The following PSMB7 variants were observed in gnomAD, a reference collection of about 807,000 sequenced individuals.
PSMB7 encodes proteasome 20S subunit beta 7.
In PSMB7, 5 loss-of-function variants were observed where a neutral mutation model predicts 28.1. That is an observed-to-expected ratio of 0.18 (90% CI 0.09 to 0.37). The LOEUF is 0.37. PSMB7 is among the 10% of genes least tolerant of loss of function. PSMB7 has a pLI of 1.00. For missense variants in PSMB7, 275 were observed against 346.2 expected, an observed-to-expected ratio of 0.79 and a Z score of 1.63; for synonymous variants, 122 against 123.7, an observed-to-expected ratio of 0.99 and a Z score of 0.09.
At position 124,356,012 on chromosome 9, in the gene PSMB7, C is replaced by T. The variant is rs1030046118; in HGVS notation, c.722+752G>A. ...GAGTGGGAGCCGTAGTTTATAAATGCCCTGTGCTGCACCCAGATGCTGCAG... is the reference window on the plus strand; with the variant it reads ...GAGTGGGAGCCGTAGTTTATAAATGTCCTGTGCTGCACCCAGATGCTGCAG... On this transcript the variant is annotated intron_variant, in intron 7 of 7. Coordinates refer to ENST00000259457, the MANE Select transcript of PSMB7 (RefSeq NM_002799.4). This position sits in a 1 kb window ranked among gnomAD's most constrained non-coding sequence, Gnocchi z 4.4. 6.6e-5 allele frequency among the ~76,000 whole-genome samples: 10 copies of T among 152,164 alleles called. No individual in the cohort carries two copies. The highest frequency in any genetic ancestry group is 1.3e-4 in the Non-Finnish European group (9 of 68,028).
chr9:124,403,096 G>A (rs1830928717), intron 5 of PSMB7, among the ~76,000 whole-genome samples: 1 of 152,008 alleles, frequency 6.6e-6, no homozygotes, highest in South Asian at 2.1e-4. Flanking sequence ...AATGACAGCT[G>A]GAAAAACACC....
intron 5 of PSMB7, among the ~76,000 whole-genome samples, chr9:124,401,452 G>A (rs761438418): frequency 8.5e-5 from 13 of 152,234 alleles, no homozygotes; most frequent in Non-Finnish European, 1.9e-4. Flanking sequence ...AATCTTCCCA[G>A]CTCCTAGCAA....
At chr9:124,374,630 G>A (rs1371602224) in intron 6 of PSMB7, among the ~76,000 whole-genome samples, 1 of 152,086 alleles carries the variant, frequency 6.6e-6, no homozygotes. Flanking sequence ...TTCAAGACTA[G>A]CCTGGACAGC....
chr9:124,355,822 T>C (rs1830399174), intron 7 of PSMB7, among the ~76,000 whole-genome samples: 1 of 152,190 alleles, frequency 6.6e-6, no homozygotes, highest in Admixed American at 6.5e-5. Context: ...AGGAGCCCAC[T>C]GAGCTTCCGC....
At chr9:124,388,300 G>A (rs2131165068) in intron 5 of PSMB7, among the ~76,000 whole-genome samples, 1 of 152,326 alleles carries the variant, frequency 6.6e-6, no homozygotes, top group South Asian at 2.1e-4. Context: ...GGCCTCTGCT[G>A]TACACTCGAG....
At chr9:124,392,345 T>C (rs763315752) in intron 5 of PSMB7, among the ~76,000 whole-genome samples, 17 of 152,216 alleles carry the variant, frequency 1.1e-4, no homozygotes, top group Admixed American at 2.0e-4. Flanking sequence ...GGCCCGGCTC[T>C]GGCGCTCCCT....
At chr9:124,367,380 T>C (rs1292100576) in intron 6 of PSMB7, among the ~76,000 whole-genome samples, 6 of 152,108 alleles carry the variant, frequency 3.9e-5, no homozygotes, top group Non-Finnish European at 5.9e-5. Context: ...CCCACCCAAA[T>C]AGAAATGATT....
chr9:124,357,681 T>C (rs1457697498), intron 6 of PSMB7, among the ~76,000 whole-genome samples: 2 of 152,214 alleles, frequency 1.3e-5, no homozygotes, highest in African/African-American at 4.8e-5. Context: ...CCCTTTCTTA[T>C]CCGAGAAGCC....
chr9:124,395,258 G>A (rs968321613), intron 5 of PSMB7, among the ~76,000 whole-genome samples: 7 of 152,088 alleles, frequency 4.6e-5, no homozygotes, highest in Non-Finnish European at 7.4e-5. Flanking sequence ...GCCAAGGCAG[G>A]AGGATCACTT....
chr9:124,408,138 T>TGATC (rs1331932021), intron 4 of PSMB7, among the ~76,000 whole-genome samples: 1 of 152,096 alleles, frequency 6.6e-6, no homozygotes, highest in Non-Finnish European at 1.5e-5. Context: ...AAGTGAGCCA[T>TGATC]GATCATGCCA....
intron 5 of PSMB7, among the ~76,000 whole-genome samples, chr9:124,395,169 G>A (rs1339042438): frequency 6.6e-6 from 1 of 152,172 alleles, no homozygotes; most frequent in African/African-American, 2.4e-5. Flanking sequence ...CAGTCAAACA[G>A]CTAAATGAAT....
chr9:124,353,856 G>T (rs1830364508), intron 7 of PSMB7, 147 bp from the exon 8 acceptor site: 1 of 683,578 alleles, frequency 1.5e-6, no homozygotes, highest in Non-Finnish European at 2.5e-6. Flanking sequence ...GTGATCTTGG[G>T]GGATTCAACT....
At chr9:124,373,062 A>T (rs1301341237) in intron 6 of PSMB7, among the ~76,000 whole-genome samples, 1 of 152,234 alleles carries the variant, frequency 6.6e-6, no homozygotes, top group African/African-American at 2.4e-5. Flanking sequence ...TCTCCAATGC[A>T]CAGAGCAAGC....
chr9:124,411,503 G>A (rs74480373), intron 4 of PSMB7, among the ~76,000 whole-genome samples: 3,040 of 152,298 alleles, frequency 0.02, 110 homozygotes, highest in Non-Finnish European at 0.021. Flanking sequence ...CAAAGAATTT[G>A]TTAAAGGTAA....
Position 124,398,466 on chromosome 9 carries a change from CAAT to C in PSMB7, c.511+6848_511+6850del, listed in dbSNP as rs112867589. On this transcript the variant is annotated intron_variant, in intron 5 of 7. Transcript: ENST00000259457. Reference sequence around the variant, plus strand: ...ATTCTCTGTAAAGAGCTCCTCTTCACAATGGACTTGGATTGGAAAGAAACAAAA... The same window carrying C: ...ATTCTCTGTAAAGAGCTCCTCTTCACGGACTTGGATTGGAAAGAAACAAAA... The C allele has an allele frequency of 1.7e-3, 598 of 359,170 alleles. 4 individuals are homozygous for C. The highest frequency in any genetic ancestry group is 0.013 in the African/African-American group (565 of 44,436). 22.2% of individuals were successfully genotyped at this position (359,170 alleles called of 1,614,324 possible).
At chr9:124,404,558 T>C (rs1830944372) in intron 5 of PSMB7, among the ~76,000 whole-genome samples, 1 of 152,098 alleles carries the variant, frequency 6.6e-6, no homozygotes, top group African/African-American at 2.4e-5. Context: ...TCAAAAATGC[T>C]CCAATGAGGC....
At chr9:124,371,387 A>G (rs1830561190) in intron 6 of PSMB7, among the ~76,000 whole-genome samples, 1 of 152,192 alleles carries the variant, frequency 6.6e-6, no homozygotes, top group Admixed American at 6.5e-5. Flanking sequence ...CTAACCACAG[A>G]CGACCTCTTG....
At chr9:124,382,941 T>C (rs539696217) in intron 6 of PSMB7, among the ~76,000 whole-genome samples, 3 of 152,308 alleles carry the variant, frequency 2.0e-5, no homozygotes, top group African/African-American at 7.2e-5. Context: ...CAACTGGAGA[T>C]AGACAAAGCT....
In PSMB7 at chr9:124,356,947, CG is replaced by C; in HGVS notation, c.571-33del. On this transcript the variant is annotated intron_variant, in intron 6 of 7. Coordinates refer to ENST00000259457, the MANE Select transcript of PSMB7 (RefSeq NM_002799.4). This position sits in a 1 kb window ranked among gnomAD's most constrained non-coding sequence, Gnocchi z 4.4. ...AACAGAACGGCGGCAATAATGTCCCCGGCCAAACTAGGGCCTGCTCTGACAT... is the reference window on the plus strand; with the variant it reads ...AACAGAACGGCGGCAATAATGTCCCCGCCAAACTAGGGCCTGCTCTGACAT... 1 of 1,612,750 alleles carries C rather than the reference CG, an allele frequency of 6.2e-7. No individual in the cohort carries two copies. The highest frequency in any genetic ancestry group is 8.5e-7 in the Non-Finnish European group (1 of 1,179,062).
Sources: gnomAD v4.1 joint callset for allele counts (sites outside exome capture counted in the v4.1 genomes callset) on GRCh38, gnomAD v4.1.1 for gene constraint, Gnocchi (gnomAD v3.1) non-coding constraint, MANE v1.5 for transcripts, NCBI Gene and HGNC (gene_info 2026-07-23, HGNC 2026-07-21) for gene names.